ASPM: variants seen among roughly 807,000 people sequenced by gnomAD.
ASPM encodes abnormal spindle-like microcephaly-associated protein.
In ASPM, 256 loss-of-function variants were observed where a neutral mutation model predicts 366.4. The ratio of observed to expected loss-of-function variants is 0.70; its 90% confidence interval spans 0.63 to 0.77. The LOEUF (loss-of-function observed/expected upper bound fraction) is 0.77. Ranked by LOEUF, ASPM falls within the 30% of genes least tolerant of loss-of-function variation. The pLI is 0.00. For synonymous variants in ASPM, 1,414 were observed against 1,342.9 expected (o/e 1.05, Z -1.16); for missense variants, 4,146 against 4,090.4 (o/e 1.01, Z -0.37).
chr1:197,127,378 A>C (rs1168516477), intron 10 of ASPM, among the ~76,000 whole-genome samples: 2 of 152,212 alleles, frequency 1.3e-5, no homozygotes, highest in Non-Finnish European at 2.9e-5. Context: ...GAGATATTTT[A>C]TAAAGACCAT....
In ASPM at chr1:197,142,324, G is replaced by C. The variant is rs1163621848; in HGVS notation, c.1921+7C>G. 6.2e-7 allele frequency: 1 copy of C among 1,612,832 alleles called. No homozygotes were observed. Among genetic ancestry groups the C allele is most frequent in the Admixed American group, 1.7e-5 (1 of 60,018 alleles). Reference sequence around the variant, plus strand: ...ATACTTCAGTAGATTTTATAAACAAGACTCACCAGTTTTCTTCTTCAGGTT... The same window carrying C: ...ATACTTCAGTAGATTTTATAAACAACACTCACCAGTTTTCTTCTTCAGGTT... On this transcript the variant is annotated splice_region_variant and intron_variant, in intron 3 of 27. Coordinates refer to ENST00000367409, the MANE Select transcript of ASPM (RefSeq NM_018136.5).
At position 197,136,780 on chromosome 1, in the gene ASPM, G is replaced by GA. The variant is rs1312494927; in HGVS notation, c.2027-1539dup. Among the ~76,000 whole-genome samples, 4 of 152,166 alleles carry GA rather than the reference G, an allele frequency of 2.6e-5. No homozygotes were observed. In the East Asian group the frequency reaches 7.7e-4, roughly 29 times the overall value. Reference sequence around the variant, plus strand: ...AAACTCTCCATGCTACATAAATCTGGAAACTCTATTTCACATAAAACTGGA... The same window carrying GA: ...AAACTCTCCATGCTACATAAATCTGGAAAACTCTATTTCACATAAAACTGGA... On this transcript the variant is annotated intron_variant, in intron 4 of 27. Coordinates refer to ENST00000367409, the MANE Select transcript of ASPM (RefSeq NM_018136.5).
intron 16 of ASPM, among the ~76,000 whole-genome samples, chr1:197,120,719 T>C (rs2125103615): frequency 6.6e-6 from 1 of 152,190 alleles, no homozygotes; most frequent in Non-Finnish European, 1.5e-5. Flanking sequence ...CTAGAAGTAT[T>C]GGAAGCTTCT....
Position 197,105,094 on chromosome 1 carries a change from G to C in ASPM, c.4157C>G (p.Ala1386Gly). Residue 1386 changes from alanine to glycine, a missense_variant, in exon 18 of 28, where the codon GCT (alanine) becomes GGT (glycine). Coordinates refer to ENST00000367409, the MANE Select transcript of ASPM (RefSeq NM_018136.5). ...AAGATATCGTTTATAAGATGTAACA[G>C]CAATTATCATTCTTATCCTAGATTG... is the stretch of plus-strand genomic sequence containing the variant. ...ILQSRIRMII[A>G]VTSYKRYLWA... The C allele has an allele frequency of 3.1e-6, 5 of 1,608,692 alleles. No individual in the cohort carries two copies. The highest frequency in any genetic ancestry group is 4.3e-6 in the Non-Finnish European group (5 of 1,176,066).
At position 197,088,338 on chromosome 1, in the gene ASPM, T is replaced by A; in HGVS notation, c.10079A>T (p.Lys3360Ile). 6.2e-7 allele frequency: 1 copy of A among 1,613,460 alleles called. No homozygotes were observed. Among genetic ancestry groups the A allele is most frequent in the African/African-American group, 1.3e-5 (1 of 74,974 alleles). ...AATGCTTCCGCCTTTGTCTGCAACT[T>A]TATTACCAGGCTTTTCTCGGTATAT... ...LQIYREKPGN[K>I]VADKGGSIFT... Residue 3360 changes from lysine to isoleucine, a missense_variant, in exon 26 of 28, where the codon AAA becomes ATA. Physicochemically the swap from Lys to Ile is moderately radical, Grantham distance 102 (BLOSUM62 -3). Transcript: ENST00000367409.
At chr1:197,116,196 A>T (rs1260116861) in intron 17 of ASPM, among the ~76,000 whole-genome samples, 2 of 152,260 alleles carry the variant, frequency 1.3e-5, no homozygotes, top group East Asian at 3.9e-4. Context: ...CTCATGAATC[A>T]TTCTCTGCTA....
In ASPM at chr1:197,103,733, T is replaced by G; in HGVS notation, c.5518A>C (p.Lys1840Gln). The G allele has an allele frequency of 1.2e-6, 2 of 1,612,854 alleles. No homozygotes were observed. Among genetic ancestry groups the G allele is most frequent in the Non-Finnish European group, 1.7e-6 (2 of 1,179,344 alleles). The change falls in exon 18 of 28, where the codon AAA (lysine) becomes CAA (glutamine). Residue 1840 changes from lysine to glutamine, a missense_variant. By Grantham distance (53) the Lys-to-Gln change is moderately conservative. Coordinates refer to ENST00000367409, the MANE Select transcript of ASPM (RefSeq NM_018136.5). Reference protein sequence around the residue: ...KIQSAFRGYNKRVKYQSVLQS... With the variant: ...KIQSAFRGYNQRVKYQSVLQS... ...AGCACAGATTGATATTTTACCCTTTTATTATAGCCTCTAAAAGCAGACTGA... is the reference window on the plus strand; with the variant it reads ...AGCACAGATTGATATTTTACCCTTTGATTATAGCCTCTAAAAGCAGACTGA...
Position 197,103,373 on chromosome 1 carries a change from C to G in ASPM, c.5878G>C (p.Gly1960Arg). 6.2e-7 allele frequency: 1 copy of G among 1,613,198 alleles called. No homozygotes were observed. The highest frequency in any genetic ancestry group is 8.5e-7 in the Non-Finnish European group (1 of 1,179,480). Residue 1960 changes from glycine (G) to arginine (R), a missense_variant, in exon 18 of 28, where the codon GGA becomes CGA. By Grantham distance (125) the Gly-to-Arg change is moderately radical. Coordinates refer to ENST00000367409, the MANE Select transcript of ASPM (RefSeq NM_018136.5). ...TGAAGCTGTCTTCTCAGTGTTTTTC[C>G]CTTCCACATAGATTGAAGCACCAGT... ...AVLVLQSMWK[G>R]KTLRRQLQRQ...
In ASPM at chr1:197,102,705, A is replaced by G. The variant is rs1230386404; in HGVS notation, c.6546T>C (p.Val2182=). 4 of 1,612,544 alleles carry G rather than the reference A, an allele frequency of 2.5e-6. No homozygotes were observed. The African/African-American group carries it at 5.3e-5, about 22-fold the overall frequency. The change falls in exon 18 of 28, where the codon GTT becomes GTC. Residue 2182 remains valine, a synonymous_variant. Coordinates refer to ENST00000367409, the MANE Select transcript of ASPM (RefSeq NM_018136.5). ...TCTGCATCTTTCTAAGAGTCCGTCTAACTCTTACTCCTCTAAAACTTGCCT... is the reference window on the plus strand; with the variant it reads ...TCTGCATCTTTCTAAGAGTCCGTCTGACTCTTACTCCTCTAAAACTTGCCT... ...VLQASFRGVR[V]RRTLRKMQTA...
At position 197,125,223 on chromosome 1, in the gene ASPM, T is replaced by A. The variant is rs1166844661; in HGVS notation, c.2937-32A>T. ...GTAATAAAATGTTCAGATGAAATTA[T>A]CATAAAAACGTATATGAAAAAACCC... On this transcript the variant is annotated intron_variant, in intron 10 of 27. Transcript: ENST00000367409. 14 of 1,612,140 alleles carry A rather than the reference T, an allele frequency of 8.7e-6. No individual in the cohort carries two copies. The Admixed American group carries it at 1.5e-4, about 17-fold the overall frequency.
intron 26 of ASPM, among the ~76,000 whole-genome samples, chr1:197,087,198 C>G (rs950015729): frequency 2.0e-5 from 3 of 152,036 alleles, no homozygotes; most frequent in Admixed American, 2.0e-4. Flanking sequence ...CCTCAGTCTC[C>G]CAAGTAGCTG....
At chr1:197,138,699 G>A in intron 4 of ASPM, 1 of 644,212 alleles carries the variant, frequency 1.6e-6, no homozygotes, top group Non-Finnish European at 2.8e-6. Flanking sequence ...ATCACAGGAA[G>A]CTGGGATGTG....
chr1:197,100,860 C>T lies in ASPM; in HGVS notation c.8391G>A (p.Trp2797Ter). 2 of 1,612,630 alleles carry T rather than the reference C, an allele frequency of 1.2e-6. No homozygotes were observed. The highest frequency in any genetic ancestry group is 1.7e-6 in the Non-Finnish European group (2 of 1,179,110). The change falls in exon 18 of 28, where the codon TGG (tryptophan) becomes TGA (stop). Residue 2797 changes from tryptophan (W) to a stop codon, truncating the protein, a stop_gained. Transcript: ENST00000367409. LOFTEE classifies it high-confidence loss of function. ...AACAAGCAAGGCCAGAAGCTTTATA[C>T]CACTCTTGAATCATAACACCTTCAC... Reference protein sequence around the residue: ...VQSEGVMIQEWYKASGLACSQ... With the variant: ...VQSEGVMIQE
intron 4 of ASPM, among the ~76,000 whole-genome samples, 195 bp downstream of exon 4, chr1:197,139,572 T>C (rs1198532043): frequency 6.6e-6 from 1 of 152,248 alleles, no homozygotes; most frequent in East Asian, 1.9e-4. Context: ...ACCCTACTGA[T>C]CTATTGAACA....
chr1:197,129,912 T>C lies in ASPM; in HGVS notation c.2629+3A>G, dbSNP rs758509567. ...AGAATGTAGGAGAGGCAGAGATACT[T>C]ACCATCTCTATACAGGTGAGGAACA... On this transcript the variant is annotated splice_donor_region_variant and intron_variant, in intron 8 of 27. Transcript: ENST00000367409. The C allele has an allele frequency of 1.2e-5, 20 of 1,611,150 alleles. No homozygotes were observed. The highest frequency in any genetic ancestry group is 1.6e-5 in the Non-Finnish European group (19 of 1,177,396).
chr1:197,143,517 A>C lies in ASPM; in HGVS notation c.735T>G (p.Thr245=). The C allele has an allele frequency of 6.2e-7, 1 of 1,614,002 alleles. No homozygotes were observed. The highest frequency in any genetic ancestry group is 8.5e-7 in the Non-Finnish European group (1 of 1,179,936). ...CTGATGCATGAAGAGATGAGTAGGTAGTAGATCGACGTACAGAGAGTGGCA... is the reference window on the plus strand; with the variant it reads ...CTGATGCATGAAGAGATGAGTAGGTCGTAGATCGACGTACAGAGAGTGGCA... ...TCLPLSVRRS[T]TYSSLHASEN... Residue 245 remains threonine (T), a synonymous_variant, in exon 3 of 28, where the codon ACT becomes ACG. Coordinates refer to ENST00000367409, the MANE Select transcript of ASPM (RefSeq NM_018136.5).
rs886045769 is a variant in ASPM, at chr1:197,102,515, T to C, written c.6736A>G (p.Ile2246Val). ...TTCTTTCCCCTAAAAATAGCCTGAA[T>C]GTATATTACAGAATGCCTCAGTTTG... ...YNKLRHSVIYIQAIFRGKKAR... is the reference protein window; with the variant it reads ...YNKLRHSVIYVQAIFRGKKAR... Residue 2246 changes from isoleucine to valine, a missense_variant, in exon 18 of 28, where the codon ATT (isoleucine) becomes GTT (valine). Transcript: ENST00000367409. 4 of 1,612,564 alleles carry C rather than the reference T, an allele frequency of 2.5e-6. No individual in the cohort carries two copies. In the East Asian group the frequency reaches 6.7e-5, roughly 27 times the overall value.
chr1:197,108,116 A>G (rs1472956014), intron 17 of ASPM, among the ~76,000 whole-genome samples: 1 of 152,142 alleles, frequency 6.6e-6, no homozygotes, highest in Admixed American at 6.6e-5. Context: ...ACAGAAAAAT[A>G]ATAGGAAAAT....
At chr1:197,138,785 C>T in intron 4 of ASPM, 1 of 740,862 alleles carries the variant, frequency 1.3e-6, no homozygotes, top group Non-Finnish European at 2.5e-6. Flanking sequence ...TGTATTGGTG[C>T]TCAGCTGAGT....
Sources: gnomAD v4.1 joint callset for allele counts (sites outside exome capture counted in the v4.1 genomes callset) on GRCh38, gnomAD v4.1.1 for gene constraint, MANE v1.5 for transcripts, NCBI Gene and HGNC (gene_info 2026-07-23, HGNC 2026-07-21) for gene names.